Variants in SLC22A16 observed in about 807,000 individuals in gnomAD.
The protein encoded by SLC22A16 is solute carrier family 22 member 16.
A neutral mutation model predicts 52.9 loss-of-function variants in SLC22A16; 53 were observed. The observed-to-expected ratio is 1.00, with a 90% CI of 0.80 to 1.26. The LOEUF is 1.26. Among genes scored for constraint, SLC22A16 ranks in the 50% most tolerant of loss-of-function variants. The pLI is 0.00. For missense variants in SLC22A16, 726 were observed against 704.0 expected, an observed-to-expected ratio of 1.03 and a Z score of -0.35; for synonymous variants, 291 against 268.8, an observed-to-expected ratio of 1.08 and a Z score of -0.81.
intron 1 of SLC22A16, among the ~76,000 whole-genome samples, chr6:110,463,987 G>A (rs1366339677): frequency 6.7e-6 from 1 of 149,444 alleles, no homozygotes; most frequent in East Asian, 1.9e-4. Flanking sequence ...TCAATACCAA[G>A]AGAAACTCTC....
rs199838653 is a variant in SLC22A16, at chr6:110,424,882, A to G, written c.1725T>C (p.Leu575=). 1 of 1,614,192 alleles carries G rather than the reference A, an allele frequency of 6.2e-7. No individual in the cohort carries two copies. The highest frequency in any genetic ancestry group is 8.5e-7 in the Non-Finnish European group (1 of 1,180,030). ...TEAITPRDSG[L]GE is the part of the protein sequence containing the mutation. The stretch of plus-strand genomic sequence containing the variant: ...AGCAGGCATGGCACATTTATTCACC[A>G]AGACCAGAATCCCTGGGGGTAATCG... The change falls in exon 8 of 8, where the codon CTT becomes CTC. Residue 575 remains leucine, a synonymous_variant. Transcript: ENST00000368919.
chr6:110,425,129 G>T lies in SLC22A16; in HGVS notation c.1522-44C>A. ...AATGATAAGTGACACATCAAGAAAG[G>T]AACGAACCCTTCGGAGAATAGAATT... On this transcript the variant is annotated intron_variant, in intron 7 of 7. Transcript: ENST00000368919. 3 of 1,608,250 alleles carry T rather than the reference G, an allele frequency of 1.9e-6. No individual in the cohort carries two copies. In the East Asian group the frequency reaches 6.7e-5, roughly 36 times the overall value.
chr6:110,440,649 T>C (rs2114930529), intron 4 of SLC22A16, among the ~76,000 whole-genome samples: 1 of 152,270 alleles, frequency 6.6e-6, no homozygotes, highest in Admixed American at 6.5e-5. Flanking sequence ...TGGTGGCATG[T>C]GCCCGTAATA....
intron 7 of SLC22A16, among the ~76,000 whole-genome samples, chr6:110,430,920 A>G (rs1407934603): frequency 6.6e-6 from 1 of 152,178 alleles, no homozygotes; most frequent in Non-Finnish European, 1.5e-5. Flanking sequence ...AAGGGTGAGG[A>G]CATGCCCTTT....
intron 1 of SLC22A16, among the ~76,000 whole-genome samples, chr6:110,461,892 C>G (rs1180509772): frequency 6.6e-6 from 1 of 152,156 alleles, no homozygotes; most frequent in Non-Finnish European, 1.5e-5. Context: ...CTGTATTTGT[C>G]CAATTTCATG....
intron 2 of SLC22A16, chr6:110,455,792 C>T (rs927587077): frequency 6.6e-6 from 1 of 152,136 alleles, no homozygotes; most frequent in African/African-American, 2.4e-5. Context: ...CCTTAGCACC[C>T]TTAGAAAAGT....
At chr6:110,470,566 A>G (rs1582594750) in intron 1 of SLC22A16, among the ~76,000 whole-genome samples, 3 of 151,858 alleles carry the variant, frequency 2.0e-5, no homozygotes, top group East Asian at 3.9e-4. Flanking sequence ...GTTAGTTTCT[A>G]CCTTCCTGGC....
intron 7 of SLC22A16, among the ~76,000 whole-genome samples, chr6:110,428,223 A>G (rs1482942206): frequency 6.6e-6 from 1 of 152,190 alleles, no homozygotes; most frequent in Admixed American, 6.5e-5. Context: ...TGACATCCAT[A>G]AACAAGTTTA....
intron 1 of SLC22A16, among the ~76,000 whole-genome samples, chr6:110,472,367 G>A (rs576374851): frequency 6.6e-6 from 1 of 151,924 alleles, no homozygotes; most frequent in Non-Finnish European, 1.5e-5. Flanking sequence ...TGGCCCCCTT[G>A]CCCCACTCGC....
At chr6:110,469,109 A>G (rs1776174988) in intron 1 of SLC22A16, among the ~76,000 whole-genome samples, 1 of 152,238 alleles carries the variant, frequency 6.6e-6, no homozygotes, top group Admixed American at 6.5e-5. Context: ...TCTATTGCAC[A>G]GATTGTAGAT....
At chr6:110,432,460 T>C (rs567815601) in intron 6 of SLC22A16, among the ~76,000 whole-genome samples, 1 of 152,346 alleles carries the variant, frequency 6.6e-6, no homozygotes, top group South Asian at 2.1e-4. Context: ...ACTCAGCACA[T>C]GTGTGTCAAG....
At chr6:110,469,781 C>T (rs17579009) in intron 1 of SLC22A16, among the ~76,000 whole-genome samples, 8,711 of 152,274 alleles carry the variant, frequency 0.057, 328 homozygotes, top group Non-Finnish European at 0.086. Flanking sequence ...GTTGTCTCTG[C>T]TTTGCTAAAA....
At chr6:110,429,739 C>T (rs1231131904) in intron 7 of SLC22A16, among the ~76,000 whole-genome samples, 4 of 152,158 alleles carry the variant, frequency 2.6e-5, no homozygotes, top group Non-Finnish European at 5.9e-5. Context: ...CTGAAAGAGG[C>T]ACCCACTAAA....
At chr6:110,442,809 G>T in intron 3 of SLC22A16, 34 bp from the exon 4 acceptor site, 3 of 1,585,086 alleles carry the variant, frequency 1.9e-6, no homozygotes, top group Non-Finnish European at 2.6e-6. Context: ...TATATTCAAG[G>T]TCACATTTAT....
intron 3 of SLC22A16, among the ~76,000 whole-genome samples, chr6:110,446,588 A>G (rs1167844076): frequency 6.6e-6 from 1 of 152,184 alleles, no homozygotes; most frequent in Admixed American, 6.6e-5. Flanking sequence ...CTAGACCAAT[A>G]TGATTACTCA....
At chr6:110,437,366 G>A (rs1774776490) in intron 5 of SLC22A16, among the ~76,000 whole-genome samples, 1 of 152,106 alleles carries the variant, frequency 6.6e-6, no homozygotes, top group Admixed American at 6.5e-5. Context: ...AAAGGCAGCT[G>A]CCATCTACTC....
chr6:110,443,433 CA>C (rs1775051849), intron 3 of SLC22A16, among the ~76,000 whole-genome samples: 1 of 151,938 alleles, frequency 6.6e-6, no homozygotes, highest in South Asian at 2.1e-4. Flanking sequence ...ACATTTCAAA[CA>C]GAAGAAATAC....
At chr6:110,474,581 T>A (rs543891001) in intron 1 of SLC22A16, among the ~76,000 whole-genome samples, 2 of 152,212 alleles carry the variant, frequency 1.3e-5, no homozygotes, top group Non-Finnish European at 2.9e-5. Flanking sequence ...CATGACTTAT[T>A]GAGAACTTAC....
intron 7 of SLC22A16, among the ~76,000 whole-genome samples, chr6:110,429,988 A>G (rs1774431371): frequency 6.6e-6 from 1 of 151,984 alleles, no homozygotes; most frequent in African/African-American, 2.4e-5. Flanking sequence ...GAGGAATAGA[A>G]CAGGGGAGCT....
Sources: gnomAD v4.1 joint callset for allele counts (sites outside exome capture counted in the v4.1 genomes callset) on GRCh38, gnomAD v4.1.1 for gene constraint, MANE v1.5 for transcripts, NCBI Gene and HGNC (gene_info 2026-07-23, HGNC 2026-07-21) for gene names.